CAMTA1: variants seen among roughly 807,000 people sequenced by gnomAD.
CAMTA1 encodes the protein calmodulin-binding transcription activator 1.
A neutral mutation model predicts 170.9 loss-of-function variants in CAMTA1; 27 were observed. The ratio of observed to expected loss-of-function variants is 0.16; its 90% confidence interval spans 0.12 to 0.22. CAMTA1 has a LOEUF of 0.22. Among genes scored for constraint, CAMTA1 ranks in the 10% least tolerant of loss-of-function variants. The pLI is 1.00. For missense variants in CAMTA1, 1,619 were observed against 2,217.2 expected (o/e 0.73, Z 5.42); for synonymous variants, 833 against 891.5 (o/e 0.93, Z 1.17).
intron 5 of CAMTA1, among the ~76,000 whole-genome samples, chr1:7,413,765 T>A (rs2090964523): frequency 6.6e-6 from 1 of 152,322 alleles, no homozygotes; most frequent in Admixed American, 6.5e-5. Flanking sequence ...TCCTGCCTAA[T>A]TGCCCTGGCC....
chr1:7,210,372 T>C lies in CAMTA1; in HGVS notation c.303-39119T>C, dbSNP rs1164171064. ...TTTCCTTAGGACCAGATTCAGGATA[T>C]GCAATTTTGGCAGGAACACCACAGA... On this transcript the variant is annotated intron_variant, in intron 4 of 22. Coordinates refer to ENST00000303635, the MANE Select transcript of CAMTA1 (RefSeq NM_015215.4). 2.6e-5 allele frequency among the ~76,000 whole-genome samples: 4 copies of C among 152,208 alleles called. No individual in the cohort carries two copies. The East Asian group carries it at 5.8e-4, about 22-fold the overall frequency.
intron 5 of CAMTA1, among the ~76,000 whole-genome samples, chr1:7,368,096 G>A (rs1015960554): frequency 3.4e-5 from 5 of 144,956 alleles, no homozygotes; most frequent in African/African-American, 7.7e-5. Flanking sequence ...TTCACTGGGC[G>A]CAGGCACTGG....
rs1183656173 is a variant in CAMTA1 at position 7,041,299 on chromosome 1, A to T, written c.235-50005A>T. 6.6e-6 allele frequency among the ~76,000 whole-genome samples: 1 copy of T among 152,152 alleles called. No individual in the cohort carries two copies. The highest frequency in any genetic ancestry group is 1.9e-4 in the East Asian group (1 of 5,186). ...AGGGGCTCAGAGCCAGTCCAGTCAG[A>T]CCTGCGAGGCCTGGGCTGTGGCTGC... On this transcript the variant is annotated intron_variant, in intron 3 of 22. Transcript: ENST00000303635. The surrounding 1 kb of genome is among the most constrained non-coding windows in gnomAD (Gnocchi z 5.1).
At chr1:7,415,330 C>T (rs987290352) in intron 5 of CAMTA1, among the ~76,000 whole-genome samples, 4 of 150,830 alleles carry the variant, frequency 2.7e-5, no homozygotes, top group African/African-American at 4.8e-5. Flanking sequence ...CTTTCTGTCT[C>T]GTTGATCTTT....
intron 3 of CAMTA1, among the ~76,000 whole-genome samples, chr1:6,850,472 G>T (rs1659965047): frequency 6.6e-6 from 1 of 152,314 alleles, no homozygotes; most frequent in South Asian, 2.1e-4. Context: ...AGAAGGGGTA[G>T]ACCCACAAAG....
intron 11 of CAMTA1, among the ~76,000 whole-genome samples, chr1:7,712,003 A>G (rs1325722114): frequency 1.3e-5 from 2 of 152,226 alleles, no homozygotes; most frequent in East Asian, 1.9e-4. Flanking sequence ...GTGTGTGCAC[A>G]TATATATGCA....
intron 16 of CAMTA1, among the ~76,000 whole-genome samples, chr1:7,739,298 A>G (rs955501520): frequency 6.6e-6 from 1 of 152,192 alleles, no homozygotes; most frequent in Non-Finnish European, 1.5e-5. Flanking sequence ...AGGAGATCAT[A>G]TGTCCTGGTC....
chr1:6,921,100 T>C (rs1325420709), intron 3 of CAMTA1, among the ~76,000 whole-genome samples: 1 of 152,264 alleles, frequency 6.6e-6, no homozygotes, highest in Non-Finnish European at 1.5e-5. Context: ...ACTTTTATGC[T>C]GTTTCCCTTT....
intron 7 of CAMTA1, among the ~76,000 whole-genome samples, chr1:7,647,813 G>C (rs2095819836): frequency 6.6e-6 from 1 of 152,236 alleles, no homozygotes; most frequent in Non-Finnish European, 1.5e-5. Flanking sequence ...TCCGGACGTA[G>C]TGGCTTACGC....
At chr1:7,432,728 A>C (rs540306800) in intron 5 of CAMTA1, among the ~76,000 whole-genome samples, 3 of 152,276 alleles carry the variant, frequency 2.0e-5, no homozygotes, top group Admixed American at 1.3e-4. Context: ...TCTGAGCTCC[A>C]CTCAGTTGAA....
chr1:7,077,177 A>C (rs1639401144), intron 3 of CAMTA1, among the ~76,000 whole-genome samples: 1 of 151,640 alleles, frequency 6.6e-6, no homozygotes, highest in African/African-American at 2.4e-5. Flanking sequence ...CTTTGGCTGA[A>C]ATCCCTGTGT....
intron 3 of CAMTA1, among the ~76,000 whole-genome samples, chr1:6,968,756 A>T (rs1572107395): frequency 6.6e-6 from 1 of 151,154 alleles, no homozygotes; most frequent in Non-Finnish European, 1.5e-5. Flanking sequence ...AAGGAGACGG[A>T]TAGAGAGAGT....
chr1:7,727,566 T>C (rs929811043), intron 11 of CAMTA1, among the ~76,000 whole-genome samples: 30 of 152,242 alleles, frequency 2.0e-4, no homozygotes, highest in African/African-American at 7.2e-4. Context: ...CTCCAGTGAA[T>C]ATTTGTGCAT....
rs74051023 is a variant in CAMTA1, at chr1:6,878,126, C to T, written c.234+52916C>T. Among the ~76,000 whole-genome samples, 1,374 of 152,308 alleles carry T rather than the reference C, an allele frequency of 9.0e-3. 15 individuals are homozygous for T. The highest frequency in any genetic ancestry group is 0.031 in the African/African-American group (1,269 of 41,560). On this transcript the variant is annotated intron_variant, in intron 3 of 22. Transcript: ENST00000303635. ...CCCTGCATCCTGTAAACCAAACAGC[C>T]GTGGCTTTTCGATCTTGCAAACATG...
At chr1:7,484,443 T>A (rs1369006083) in intron 6 of CAMTA1, among the ~76,000 whole-genome samples, 1 of 152,170 alleles carries the variant, frequency 6.6e-6, no homozygotes, top group East Asian at 1.9e-4. Context: ...AGTTTCCTCA[T>A]CCGCAGAATT....
At chr1:7,079,260 T>A (rs1238485023) in intron 3 of CAMTA1, among the ~76,000 whole-genome samples, 2 of 152,238 alleles carry the variant, frequency 1.3e-5, no homozygotes, top group Non-Finnish European at 2.9e-5. Context: ...AGGGTCAGGC[T>A]GATCCACAAG....
chr1:7,394,468 T>C (rs1427625218), intron 5 of CAMTA1, among the ~76,000 whole-genome samples: 3 of 152,238 alleles, frequency 2.0e-5, no homozygotes, highest in Admixed American at 2.0e-4. Flanking sequence ...AAAATGTACT[T>C]GTTGACCATT....
rs1280605693 is a variant in CAMTA1 at position 7,426,694 on chromosome 1, C to T, written c.439-41136C>T. Among the ~76,000 whole-genome samples, 4 of 152,276 alleles carry T rather than the reference C, an allele frequency of 2.6e-5. No individual in the cohort carries two copies. In the East Asian group the frequency reaches 5.8e-4, roughly 22 times the overall value. On this transcript the variant is annotated intron_variant, in intron 5 of 22. Coordinates refer to ENST00000303635, the MANE Select transcript of CAMTA1 (RefSeq NM_015215.4). This position sits in a 1 kb window ranked among gnomAD's most constrained non-coding sequence, Gnocchi z 4.8. Reference sequence around the variant, plus strand: ...GGCGGGGGAAAGGTGGAGAAAACTTCGCTCACCGCATTTGGGCAGGAGAAA... The same window carrying T: ...GGCGGGGGAAAGGTGGAGAAAACTTTGCTCACCGCATTTGGGCAGGAGAAA...
At chr1:6,890,864 G>T (rs1427259768) in intron 3 of CAMTA1, among the ~76,000 whole-genome samples, 2 of 152,194 alleles carry the variant, frequency 1.3e-5, no homozygotes, top group African/African-American at 4.8e-5. Context: ...GAGCCACCCT[G>T]CCCAGCCTGC....
Sources: gnomAD v4.1 joint callset for allele counts (sites outside exome capture counted in the v4.1 genomes callset) on GRCh38, gnomAD v4.1.1 for gene constraint, Gnocchi (gnomAD v3.1) non-coding constraint, MANE v1.5 for transcripts, NCBI Gene and HGNC (gene_info 2026-07-23, HGNC 2026-07-21) for gene names.